The following TXNDC15 variants were observed in gnomAD, a reference collection of about 807,000 sequenced individuals.
TXNDC15 encodes thioredoxin domain-containing protein 15.
In TXNDC15, 24 loss-of-function variants were observed where a neutral mutation model predicts 35.0. That is an observed-to-expected ratio of 0.68 (90% CI 0.50 to 0.96). The LOEUF is 0.96. Ranked by LOEUF, TXNDC15 falls within the 40% of genes least tolerant of loss-of-function variation. TXNDC15 has a pLI of 0.00. For synonymous variants in TXNDC15, 169 were observed against 174.0 expected (o/e 0.97, Z 0.23); for missense variants, 385 against 453.3 (o/e 0.85, Z 1.37).
chr5:134,896,260 T>C, intron 3 of TXNDC15, 34 bp from the exon 4 acceptor site: 1 of 1,597,600 alleles, frequency 6.3e-7, no homozygotes, highest in South Asian at 1.1e-5. Flanking sequence ...CTATTAATAA[T>C]AAATTCAGGT....
chr5:134,881,608 C>T (rs1750146147), intron 1 of TXNDC15, among the ~76,000 whole-genome samples: 1 of 133,418 alleles, frequency 7.5e-6, no homozygotes, highest in African/African-American at 2.8e-5. Context: ...GACACGGCAA[C>T]CATCCGATTT....
chr5:134,893,363 G>T, intron 2 of TXNDC15, 129 bp from the exon 3 acceptor site: 2 of 1,072,366 alleles, frequency 1.9e-6, no homozygotes, highest in South Asian at 1.6e-5. Context: ...GGTTCCGAGG[G>T]TTCCTTCTCT....
intron 1 of TXNDC15, among the ~76,000 whole-genome samples, chr5:134,878,870 G>A (rs1408912790): frequency 6.6e-6 from 1 of 152,142 alleles, no homozygotes; most frequent in African/African-American, 2.4e-5. Flanking sequence ...GTGGTGGTGC[G>A]CATCTGTAAT....
At chr5:134,875,096 G>C (rs1458831443) in intron 1 of TXNDC15, 1 of 456,068 alleles carries the variant, frequency 2.2e-6, no homozygotes, top group East Asian at 6.9e-5. Context: ...CACGCTGCTG[G>C]ACCACTGTCT....
intron 2 of TXNDC15, chr5:134,892,940 A>G (rs967672252): frequency 2.0e-5 from 3 of 153,234 alleles, no homozygotes; most frequent in Non-Finnish European, 4.4e-5. Context: ...TACAATAGTA[A>G]CATCAAAGAT....
chr5:134,896,500 C>G, intron 4 of TXNDC15, 76 bp downstream of exon 4: 2 of 1,562,406 alleles, frequency 1.3e-6, no homozygotes, highest in South Asian at 2.3e-5. Context: ...TTCTGATCTG[C>G]TATAATCCTT....
chr5:134,896,693 G>T (rs552918466), intron 4 of TXNDC15, among the ~76,000 whole-genome samples: 24 of 149,362 alleles, frequency 1.6e-4, no homozygotes, highest in Admixed American at 1.6e-3. Flanking sequence ...GCCCAGGCTG[G>T]GGTGCAGTGG....
Position 134,899,663 on chromosome 5 carries a change from A to C in TXNDC15, c.1061A>C (p.Gln354Pro), listed in dbSNP as rs1750563263. ...AGTATTCGGTGGCTAATTCCAGGAC[A>C]AGAGCAGGAACATGTGGAGTAGTGA... Reference protein sequence around the residue: ...TESIRWLIPGQEQEHVE With the variant: ...TESIRWLIPGPEQEHVE Residue 354 changes from glutamine (Q) to proline (P), a missense_variant, in exon 5 of 5, where the codon CAA (glutamine) becomes CCA (proline). Gln to Pro is a moderately conservative substitution (Grantham distance 76, BLOSUM62 -1). Transcript: ENST00000358387. 1 of 1,610,602 alleles carries C rather than the reference A, an allele frequency of 6.2e-7. No homozygotes were observed. The highest frequency in any genetic ancestry group is 8.5e-7 in the Non-Finnish European group (1 of 1,178,660).
At chr5:134,898,204 A>C (rs534084888) in intron 4 of TXNDC15, among the ~76,000 whole-genome samples, 1 of 152,094 alleles carries the variant, frequency 6.6e-6, no homozygotes, top group African/African-American at 2.4e-5. Flanking sequence ...TTCATCCAAC[A>C]GTATGCTTGT....
intron 1 of TXNDC15, among the ~76,000 whole-genome samples, chr5:134,878,803 A>G (rs1056787471): frequency 3.3e-5 from 5 of 152,252 alleles, no homozygotes; most frequent in Admixed American, 1.3e-4. Flanking sequence ...GTTTGAGACC[A>G]GCCTGGCCAA....
intron 2 of TXNDC15, chr5:134,892,085 T>C (rs1213579318): frequency 2.0e-5 from 3 of 152,152 alleles, no homozygotes; most frequent in Non-Finnish European, 4.4e-5. Flanking sequence ...CTGTCTTATC[T>C]ACATGAAAAT....
intron 2 of TXNDC15, among the ~76,000 whole-genome samples, chr5:134,889,953 C>A (rs1482495157): frequency 6.6e-6 from 1 of 152,202 alleles, no homozygotes; most frequent in Non-Finnish European, 1.5e-5. Context: ...GAGTTGTAAT[C>A]TTTTTGCTGG....
intron 3 of TXNDC15, chr5:134,896,050 C>T: frequency 2.9e-6 from 1 of 344,752 alleles, no homozygotes; most frequent in Non-Finnish European, 5.3e-6. Context: ...AATAATTGTG[C>T]CATTGGTAGA....
rs898304185 is a variant in TXNDC15, at chr5:134,900,419, T to A, written c.*734T>A. 10 of 152,400 alleles carry A rather than the reference T, an allele frequency of 6.6e-5. No homozygotes were observed. Among genetic ancestry groups the A allele is most frequent in the African/African-American group, 2.4e-4 (10 of 41,574 alleles). The allele number at this position is 152,400 out of a possible 1,614,324, so 9.4% of individuals were successfully genotyped here. ...TGGGCGCAGTGGCTCATGCCTGTAA[T>A]CCCAGCACTTTGGGAGGCCAAGGCG... On this transcript the variant is annotated 3_prime_UTR_variant, in exon 5 of 5. Transcript: ENST00000358387.
At chr5:134,896,873 G>A (rs1013661786) in intron 4 of TXNDC15, among the ~76,000 whole-genome samples, 44 of 151,978 alleles carry the variant, frequency 2.9e-4, no homozygotes, top group Non-Finnish European at 1.3e-4. Context: ...TCGATCTCCT[G>A]ACCTCGTGAT....
rs561542572 is a variant in TXNDC15, at chr5:134,877,971, C to T, written c.103+3441C>T. Among the ~76,000 whole-genome samples the T allele has an allele frequency of 8.5e-5, 13 of 152,236 alleles. No individual in the cohort carries two copies. In the South Asian group the frequency reaches 1.7e-3, roughly 19 times the overall value. ...GGTATTTTTAGTAGAGATGGGGTTT[C>T]GCCATGTTGGCCAGGCTGGTCTCGA... On this transcript the variant is annotated intron_variant, in intron 1 of 4. Transcript: ENST00000358387.
At chr5:134,893,804 T>C (rs575131566) in intron 3 of TXNDC15, 149 bp downstream of exon 3, 2 of 1,063,094 alleles carry the variant, frequency 1.9e-6, no homozygotes, top group South Asian at 1.5e-5. Flanking sequence ...ATAGTGAGGA[T>C]TATCATACTC....
At chr5:134,895,132 G>C (rs777241949) in intron 3 of TXNDC15, among the ~76,000 whole-genome samples, 1 of 151,698 alleles carries the variant, frequency 6.6e-6, no homozygotes, top group Non-Finnish European at 1.5e-5. Context: ...AGTGAGCCGT[G>C]ATCCTGTCAC....
Position 134,874,371 on chromosome 5 carries a change from C to T in TXNDC15, c.-57C>T, listed in dbSNP as rs2302358. On this transcript the variant is annotated 5_prime_UTR_variant, in exon 1 of 5. Transcript: ENST00000358387. ...CCCAGGCTCTCCTCCCCCAGCCTTCCTCCGGCTGGCAGCACGACTCGCGTA... is the reference window on the plus strand; with the variant it reads ...CCCAGGCTCTCCTCCCCCAGCCTTCTTCCGGCTGGCAGCACGACTCGCGTA... The T allele has an allele frequency of 1.5e-4, 215 of 1,472,478 alleles. 2 individuals carry two copies. In the East Asian group the frequency reaches 5.4e-3, roughly 37 times the overall value. 91.2% of individuals were successfully genotyped at this position (1,472,478 alleles called of 1,614,324 possible).
Sources: gnomAD v4.1 joint callset for allele counts (sites outside exome capture counted in the v4.1 genomes callset) on GRCh38, gnomAD v4.1.1 for gene constraint, MANE v1.5 for transcripts, NCBI Gene and HGNC (gene_info 2026-07-23, HGNC 2026-07-21) for gene names.